PRRC2C: variants seen among roughly 807,000 people sequenced by gnomAD.
PRRC2C encodes proline rich coiled-coil 2C, also known as protein PRRC2C.
A neutral mutation model predicts 317.2 loss-of-function variants in PRRC2C; 72 were observed. The observed-to-expected ratio is 0.23, with a 90% CI of 0.19 to 0.28. PRRC2C has a LOEUF of 0.28. Ranked by LOEUF, PRRC2C falls within the 10% of genes least tolerant of loss-of-function variation. PRRC2C has a pLI of 1.00. For synonymous variants in PRRC2C, 1,296 were observed against 1,205.9 expected, an observed-to-expected ratio of 1.07 and a Z score of -1.55; for missense variants, 3,074 against 3,459.7, an observed-to-expected ratio of 0.89 and a Z score of 2.80.
chr1:171,509,181 G>A (rs1053215575), intron 1 of PRRC2C, among the ~76,000 whole-genome samples: 3 of 152,136 alleles, frequency 2.0e-5, no homozygotes, highest in African/African-American at 4.8e-5. Context: ...CACCGTGCCC[G>A]GCCCAATTTG....
chr1:171,583,766 AC>A lies in PRRC2C; in HGVS notation c.7410-189del, dbSNP rs1429108927. Reference sequence around the variant, plus strand: ...ATGATATTAGAACAGCTATGATGTCACTAGGTGATAGGAATTTTTCAGCTTC... The same window carrying A: ...ATGATATTAGAACAGCTATGATGTCATAGGTGATAGGAATTTTTCAGCTTC... On this transcript the variant is annotated intron_variant, in intron 28 of 34. Transcript: ENST00000647382. Among the ~76,000 whole-genome samples the A allele has an allele frequency of 3.3e-5, 5 of 152,304 alleles. No individual in the cohort carries two copies. The East Asian group carries it at 9.6e-4, about 29-fold the overall frequency.
At chr1:171,492,935 A>G (rs921007816) in intron 1 of PRRC2C, among the ~76,000 whole-genome samples, 18 of 151,958 alleles carry the variant, frequency 1.2e-4, no homozygotes, top group South Asian at 2.1e-4. Flanking sequence ...TATTTTTAGT[A>G]GAGATGGGGT....
At chr1:171,486,019 A>AC (rs1241945664) in intron 1 of PRRC2C, among the ~76,000 whole-genome samples, 1 of 149,598 alleles carries the variant, frequency 6.7e-6, no homozygotes, top group African/African-American at 2.5e-5. Flanking sequence ...TCCCACCTAG[A>AC]CCCCAGTCCT....
At position 171,493,218 on chromosome 1, in the gene PRRC2C, T is replaced by C. The variant is rs193284217; in HGVS notation, c.-58+7483T>C. On this transcript the variant is annotated intron_variant, in intron 1 of 34. Coordinates refer to ENST00000647382, the MANE Select transcript of PRRC2C (RefSeq NM_001387844.1). ...AAATTTAAAATTAATATTCTGACTT[T>C]TAAAGGCAACCCTTTGGTCCTCCAA... Among the ~76,000 whole-genome samples the C allele has an allele frequency of 4.3e-4, 65 of 152,280 alleles. No individual in the cohort carries two copies. The East Asian group carries it at 6.8e-3, about 16-fold the overall frequency.
chr1:171,514,496 A>T (rs1557890214), intron 3 of PRRC2C, 40 bp from the exon 4 acceptor site: 1 of 1,419,568 alleles, frequency 7.0e-7, no homozygotes, highest in Non-Finnish European at 9.7e-7. Context: ...TTATTTAAAC[A>T]TACAGTATCT....
At chr1:171,550,692 C>G (rs1680053402) in intron 18 of PRRC2C, among the ~76,000 whole-genome samples, 1 of 149,890 alleles carries the variant, frequency 6.7e-6, no homozygotes, top group Non-Finnish European at 1.5e-5. Context: ...TGTTCAGTTC[C>G]TACCTATGAG....
chr1:171,547,402 G>A (rs1258546901), intron 17 of PRRC2C, among the ~76,000 whole-genome samples: 1 of 152,090 alleles, frequency 6.6e-6, no homozygotes, highest in East Asian at 1.9e-4. Flanking sequence ...ACACATTTTA[G>A]TGTAAGTGAA....
chr1:171,520,177 A>G (rs1295558781), intron 6 of PRRC2C, among the ~76,000 whole-genome samples: 1 of 152,108 alleles, frequency 6.6e-6, no homozygotes, highest in Non-Finnish European at 1.5e-5. Flanking sequence ...TGGCTGGGCT[A>G]GTCTCGATCT....
At chr1:171,571,680 C>G (rs1223867153) in intron 24 of PRRC2C, among the ~76,000 whole-genome samples, 8 of 151,988 alleles carry the variant, frequency 5.3e-5, no homozygotes, top group Non-Finnish European at 1.2e-4. Flanking sequence ...GAGTATTTTT[C>G]CATGTTTGTG....
Position 171,557,929 on chromosome 1 carries a change from C to T in PRRC2C, c.5817C>T (p.His1939=). 1 of 1,586,248 alleles carries T rather than the reference C, an allele frequency of 6.3e-7. No homozygotes were observed. The highest frequency in any genetic ancestry group is 8.6e-7 in the Non-Finnish European group (1 of 1,166,746). Residue 1939 remains histidine, a synonymous_variant, in exon 19 of 35, where the codon CAC becomes CAT. Coordinates refer to ENST00000647382, the MANE Select transcript of PRRC2C (RefSeq NM_001387844.1). The part of the protein sequence containing the change: ...PAPAQTQAQT[H]KPVQNPLQTT... The stretch of plus-strand genomic sequence containing the variant: ...CAGCCCAGACTCAGGCACAGACCCA[C>T]AAACCAGTCCAGAATCCACTACAGA...
At position 171,584,393 on chromosome 1, in the gene PRRC2C, A is replaced by G. The variant is rs1217405565; in HGVS notation, c.7642-26A>G. 3.3e-6 allele frequency: 5 copies of G among 1,527,436 alleles called. No homozygotes were observed. The Admixed American group carries it at 6.8e-5, about 21-fold the overall frequency. The allele number at this position is 1,527,436 out of a possible 1,614,324, so 94.6% of individuals were successfully genotyped here. On this transcript the variant is annotated intron_variant, in intron 29 of 34. Transcript: ENST00000647382. ...TTTGAAATTTTTTTCAGTCTTACTCATGTTTTCTTAAAAAATTTTTTCTAG... is the reference window on the plus strand; with the variant it reads ...TTTGAAATTTTTTTCAGTCTTACTCGTGTTTTCTTAAAAAATTTTTTCTAG...
chr1:171,492,295 C>T (rs988123025), intron 1 of PRRC2C, among the ~76,000 whole-genome samples: 5 of 152,090 alleles, frequency 3.3e-5, no homozygotes, highest in African/African-American at 1.2e-4. Context: ...GAATGGCCTA[C>T]CCATGCTGAA....
intron 26 of PRRC2C, among the ~76,000 whole-genome samples, chr1:171,578,241 C>G (rs1157257890): frequency 1.3e-5 from 2 of 152,000 alleles, no homozygotes; most frequent in Admixed American, 6.6e-5. Context: ...AGTATTATTT[C>G]TAATAATGAC....
chr1:171,589,987 T>C lies in PRRC2C; in HGVS notation c.8436+382T>C, dbSNP rs201118313. Among the ~76,000 whole-genome samples the C allele has an allele frequency of 6.6e-3, 573 of 86,978 alleles. 11 individuals are homozygous for C. Among genetic ancestry groups the C allele is most frequent in the South Asian group, 0.027 (36 of 1,340 alleles). The allele number at this position is 86,978 out of a possible 152,430, so 57.1% of individuals were successfully genotyped here. A position where few individuals can be genotyped will look rare whatever the true frequency, so the allele number is the denominator to read the frequency against. On this transcript the variant is annotated intron_variant, in intron 34 of 34. Coordinates refer to ENST00000647382, the MANE Select transcript of PRRC2C (RefSeq NM_001387844.1). ...ATAGACTTCCCCATTTTCTTTCTTT[T>C]TTTTTTTTTTTTTAATATATATTTT...
chr1:171,558,282 C>A, intron 19 of PRRC2C, 139 bp downstream of exon 19: 1 of 1,227,800 alleles, frequency 8.1e-7, no homozygotes, highest in Non-Finnish European at 1.1e-6. Context: ...GTAATCCTCT[C>A]AACTTTCTTA....
chr1:171,510,361 C>T (rs1349265594), intron 1 of PRRC2C: 1 of 152,074 alleles, frequency 6.6e-6, no homozygotes, highest in African/African-American at 2.4e-5. Flanking sequence ...TTTCAGGATT[C>T]TTAGTTAAAT....
chr1:171,529,907 A>G (rs755181637), intron 11 of PRRC2C, among the ~76,000 whole-genome samples: 12 of 152,198 alleles, frequency 7.9e-5, no homozygotes, highest in Non-Finnish European at 1.6e-4. Context: ...CAGGGTCTCC[A>G]GACCTTCTGT....
At position 171,503,021 on chromosome 1, in the gene PRRC2C, C is replaced by T. The variant is rs528196296; in HGVS notation, c.-57-9011C>T. On this transcript the variant is annotated intron_variant, in intron 1 of 34. Coordinates refer to ENST00000647382, the MANE Select transcript of PRRC2C (RefSeq NM_001387844.1). Reference sequence around the variant, plus strand: ...TACAGCATGAGCCACCGCGCCAAGCCGACTTTGGTTTTGTTATCTAAGGTT... The same window carrying T: ...TACAGCATGAGCCACCGCGCCAAGCTGACTTTGGTTTTGTTATCTAAGGTT... Among the ~76,000 whole-genome samples the T allele has an allele frequency of 3.9e-5, 6 of 152,218 alleles. No homozygotes were observed. In the South Asian group the frequency reaches 1.2e-3, roughly 32 times the overall value.
At chr1:171,507,891 T>C (rs1254364849) in intron 1 of PRRC2C, among the ~76,000 whole-genome samples, 5 of 152,198 alleles carry the variant, frequency 3.3e-5, no homozygotes, top group Non-Finnish European at 5.9e-5. Context: ...CCTAAGAACT[T>C]TATTCTTTTT....
Sources: allele counts gnomAD v4.1 joint callset (sites outside exome capture counted in the v4.1 genomes callset), GRCh38; gene constraint gnomAD v4.1.1; transcripts MANE v1.5; gene names NCBI Gene and HGNC (gene_info 2026-07-23, HGNC 2026-07-21).